C1QTNF3: variants seen among roughly 807,000 people sequenced by gnomAD.
The protein encoded by C1QTNF3 is complement C1q tumor necrosis factor-related protein 3.
In C1QTNF3, 26 loss-of-function variants were observed where a neutral mutation model predicts 32.6. The ratio of observed to expected loss-of-function variants is 0.80; its 90% CI spans 0.58 to 1.11. C1QTNF3 has a LOEUF of 1.11. Ranked by LOEUF, C1QTNF3 falls within the 50% of genes least tolerant of loss-of-function variation. The probability of loss-of-function intolerance (pLI) is 0.00; values close to 1 mark genes in which losing one functional copy is unlikely to be tolerated. For synonymous variants in C1QTNF3, 155 were observed against 146.0 expected (o/e 1.06, Z -0.44); for missense variants, 362 against 398.2 (o/e 0.91, Z 0.77).
Position 34,033,372 on chromosome 5 carries a change from G to A in C1QTNF3, c.502C>T (p.Arg168Ter), listed in dbSNP as rs754470860. Residue 168 changes from arginine to a stop codon, truncating the protein, a stop_gained, in exon 3 of 6, where the codon CGA becomes TGA. Transcript: ENST00000382065. LOFTEE classifies it high-confidence loss of function. ...EKGDKGDLGPRGERGQHGPKG... is the reference protein window; with the variant it reads ...EKGDKGDLGP ...GGGCCATGCTGCCCCCGCTCCCCTC[G>A]AGGCCCCAGGTCACCTTTGTCGCCC... 9.3e-6 allele frequency: 15 copies of A among 1,613,648 alleles called. No homozygotes were observed. Among genetic ancestry groups the A allele is most frequent in the East Asian group, 2.2e-5 (1 of 44,880 alleles).
At chr5:34,044,600 C>G (rs538752325), upstream of C1QTNF3, among the ~76,000 whole-genome samples, 50 of 152,300 alleles carry the variant, frequency 3.3e-4, 1 homozygote, top group Admixed American at 3.3e-3. Flanking sequence ...AGCCTGGCCC[C>G]TCCTGCAGCT....
the C1QTNF3 span, among the ~76,000 whole-genome samples, chr5:34,066,232 C>T: frequency 2.0e-5 from 3 of 152,158 alleles, no homozygotes; most frequent in Non-Finnish European, 4.4e-5. Flanking sequence ...CTGGTGCCAG[C>T]TGCAACCAAT....
the C1QTNF3 span, among the ~76,000 whole-genome samples, chr5:34,116,237 T>C: frequency 2.0e-5 from 3 of 152,164 alleles, no homozygotes; most frequent in Non-Finnish European, 4.4e-5. Flanking sequence ...ATTTGTATTA[T>C]TGCAATTTTA....
the C1QTNF3 span, among the ~76,000 whole-genome samples, chr5:34,088,057 T>C: frequency 1.3e-5 from 2 of 152,294 alleles, no homozygotes; most frequent in Non-Finnish European, 2.9e-5. Flanking sequence ...CAAATTATGA[T>C]GATAACTGTT....
At chr5:34,161,584 A>G in the C1QTNF3 span, among the ~76,000 whole-genome samples, 33 of 152,170 alleles carry the variant, frequency 2.2e-4, no homozygotes, top group African/African-American at 7.7e-4. Flanking sequence ...TTATTTATGA[A>G]GCTGTTTGGA....
chr5:34,072,371 G>GAGAAAGAAAGAAAGAAAGAA, the C1QTNF3 span, among the ~76,000 whole-genome samples: 46 of 117,636 alleles, frequency 3.9e-4, 1 homozygote, highest in African/African-American at 9.9e-4. Flanking sequence ...AAAAAAGAAA[G>GAGAAAGAAAGAAAGAAAGAA]AGAAAGAAAG....
chr5:34,058,004 C>T, the C1QTNF3 span, among the ~76,000 whole-genome samples: 1 of 152,202 alleles, frequency 6.6e-6, no homozygotes, highest in Admixed American at 6.5e-5. Flanking sequence ...CACTCGACTC[C>T]TGGACCATCC....
chr5:34,128,080 C>T, the C1QTNF3 span, among the ~76,000 whole-genome samples: 2 of 152,292 alleles, frequency 1.3e-5, no homozygotes, highest in South Asian at 2.1e-4. Context: ...CCCAGGTCCT[C>T]GGTCCTCTGT....
At chr5:34,138,744 C>T in the C1QTNF3 span, among the ~76,000 whole-genome samples, 1 of 152,028 alleles carries the variant, frequency 6.6e-6, no homozygotes, top group African/African-American at 2.4e-5. Context: ...TTATAGAGTG[C>T]CTTTTGTATT....
At chr5:34,218,648 G>A in the C1QTNF3 span, among the ~76,000 whole-genome samples, 2 of 152,038 alleles carry the variant, frequency 1.3e-5, no homozygotes, top group East Asian at 3.9e-4. Context: ...GTAGAAAGAG[G>A]AGAGTTTTGC....
the C1QTNF3 span, among the ~76,000 whole-genome samples, chr5:34,079,853 T>G: frequency 6.6e-6 from 1 of 151,820 alleles, no homozygotes; most frequent in Non-Finnish European, 1.5e-5. Context: ...TTCTACTGTT[T>G]AGCATATTGC....
the C1QTNF3 span, among the ~76,000 whole-genome samples, chr5:34,059,914 C>T: frequency 2.6e-5 from 4 of 152,192 alleles, no homozygotes; most frequent in Non-Finnish European, 4.4e-5. Context: ...GCCACAACCA[C>T]CACTGCTCTG....
chr5:34,039,604 T>G (rs1282784681), intron 1 of C1QTNF3, among the ~76,000 whole-genome samples: 1 of 152,160 alleles, frequency 6.6e-6, no homozygotes, highest in Non-Finnish European at 1.5e-5. Flanking sequence ...GCATACCACA[T>G]TGGGCTATTG....
intron 2 of C1QTNF3, among the ~76,000 whole-genome samples, chr5:34,033,989 C>T (rs1373540655): frequency 1.3e-5 from 2 of 152,098 alleles, no homozygotes; most frequent in Admixed American, 6.5e-5. Context: ...TGGTGAGATC[C>T]CATCTTTACA....
At chr5:34,221,325 T>C in the C1QTNF3 span, among the ~76,000 whole-genome samples, 1 of 152,098 alleles carries the variant, frequency 6.6e-6, no homozygotes, top group Non-Finnish European at 1.5e-5. Flanking sequence ...TGCAAATACA[T>C]ACGGCTGTTT....
the C1QTNF3 span, among the ~76,000 whole-genome samples, chr5:34,216,411 T>C: frequency 6.6e-6 from 1 of 152,222 alleles, no homozygotes; most frequent in Non-Finnish European, 1.5e-5. Context: ...TTTGTGTACT[T>C]TGAAGGGCTC....
the C1QTNF3 span, among the ~76,000 whole-genome samples, chr5:34,062,315 A>G: frequency 1.3e-5 from 2 of 152,186 alleles, no homozygotes; most frequent in African/African-American, 4.8e-5. Context: ...CTTTTGAATC[A>G]GGAGTGAGAT....
At chr5:34,177,878 C>A in the C1QTNF3 span, among the ~76,000 whole-genome samples, 1 of 151,974 alleles carries the variant, frequency 6.6e-6, no homozygotes, top group South Asian at 2.1e-4. Context: ...TGACTTCGGT[C>A]TCCCAAAGGG....
At chr5:34,107,921 T>A in the C1QTNF3 span, among the ~76,000 whole-genome samples, 1 of 152,068 alleles carries the variant, frequency 6.6e-6, no homozygotes, top group Non-Finnish European at 1.5e-5. Flanking sequence ...TACCACAAGA[T>A]ACTAGTAAAA....
Sources: gnomAD v4.1 joint callset for allele counts (sites outside exome capture counted in the v4.1 genomes callset) on GRCh38, gnomAD v4.1.1 for gene constraint, MANE v1.5 for transcripts, NCBI Gene and HGNC (gene_info 2026-07-23, HGNC 2026-07-21) for gene names.